Variants in TAP1 observed in about 807,000 individuals in gnomAD.
TAP1 encodes antigen peptide transporter 1.
A neutral mutation model predicts 79.3 loss-of-function variants in TAP1; 56 were observed. The ratio of observed to expected loss-of-function variants is 0.71; its 90% CI spans 0.57 to 0.88. The LOEUF (loss-of-function observed/expected upper bound fraction) is 0.88, where lower values mean the gene tolerates loss of function less well. Among genes scored for constraint, TAP1 ranks in the 40% least tolerant of loss-of-function variants. The probability of loss-of-function intolerance (pLI) is 0.00; values close to 1 mark genes in which losing one functional copy is unlikely to be tolerated. For synonymous variants in TAP1, 355 were observed against 401.4 expected, an observed-to-expected ratio of 0.88 and a Z score of 1.38; for missense variants, 737 against 936.3, an observed-to-expected ratio of 0.79 and a Z score of 2.78.
chr6:32,848,917 G>A, intron 6 of TAP1, 73 bp downstream of exon 6: 2 of 1,612,618 alleles, frequency 1.2e-6, no homozygotes, highest in South Asian at 1.1e-5. Flanking sequence ...GTAAAGAATG[G>A]AAGGACATCA....
Position 32,847,739 on chromosome 6 carries a change from C to A in TAP1, c.1741-64G>T. The A allele has an allele frequency of 6.3e-7, 1 of 1,595,596 alleles. No homozygotes were observed. The highest frequency in any genetic ancestry group is 8.6e-7 in the Non-Finnish European group (1 of 1,165,074). On this transcript the variant is annotated intron_variant, in intron 8 of 10. Transcript: ENST00000354258. This position sits in a 1 kb window ranked among gnomAD's most constrained non-coding sequence, Gnocchi z 4.7. ...CATGGGAGTATGGTTATCTAGAGAT[C>A]GAAGACTCAAAATCTTTATTGAGAA...
At position 32,848,768 on chromosome 6, in the gene TAP1, G is replaced by C; in HGVS notation, c.1450C>G (p.Arg484Gly). Residue 484 changes from arginine (R) to glycine (G), a missense_variant, in exon 7 of 11, where the codon CGC (arginine) becomes GGC (glycine). Physicochemically the swap from Arg to Gly is moderately radical, Grantham distance 125. Transcript: ENST00000354258. Reference sequence around the variant, plus strand: ...CCACTGGGTGGGCAGCGAGGGGTGCGGTCCAGGTACTCAAATATTTTCTCT... The same window carrying C: ...CCACTGGGTGGGCAGCGAGGGGTGCCGTCCAGGTACTCAAATATTTTCTCT... ...SSEKIFEYLD[R>G]TPRCPPSGLL... 2 of 1,614,080 alleles carry C rather than the reference G, an allele frequency of 1.2e-6. No individual in the cohort carries two copies. The highest frequency in any genetic ancestry group is 3.3e-5 in the Admixed American group (2 of 60,018).
rs752430584 is a variant in TAP1, at chr6:32,853,178, C to T, written c.459G>A (p.Leu153=). The T allele has an allele frequency of 2.5e-6, 4 of 1,612,622 alleles. No individual in the cohort carries two copies. In the African/African-American group the frequency reaches 4.0e-5, roughly 16 times the overall value. Residue 153 remains leucine, a synonymous_variant, in exon 1 of 11, where the codon CTG becomes CTA. Coordinates refer to ENST00000354258, the MANE Select transcript of TAP1 (RefSeq NM_000593.6). This position sits in a 1 kb window ranked among gnomAD's most constrained non-coding sequence, Gnocchi z 8.3. The part of the protein sequence containing the change: ...SYAAALPAAA[L]WHKLGSLWVP... ...CCCAGAGGCTCCCGAGTTTGTGCCA[C>T]AGGGCTGCTGCGGGCAGTGCCGCTG...
chr6:32,851,022 T>A lies in TAP1; in HGVS notation c.972A>T (p.Ser324=). Residue 324 remains serine (S), a synonymous_variant, in exon 4 of 11, where the codon TCA becomes TCT. Transcript: ENST00000354258. This position sits in a 1 kb window ranked among gnomAD's most constrained non-coding sequence, Gnocchi z 4.8. The part of the protein sequence containing the change: ...LCLLGIMLWG[S]VSLTMVTLIT... ...TCAGGGTGACCATGGTGAGGGACACTGATCCCCAGAGCATGATCCCCAAGA... is the reference window on the plus strand; with the variant it reads ...TCAGGGTGACCATGGTGAGGGACACAGATCCCCAGAGCATGATCCCCAAGA... The A allele has an allele frequency of 6.2e-7, 1 of 1,612,948 alleles. No homozygotes were observed. Among genetic ancestry groups the A allele is most frequent in the African/African-American group, 1.3e-5 (1 of 74,998 alleles).
At chr6:32,848,131 G>C (rs1770560105) in intron 7 of TAP1, 39 bp from the exon 8 acceptor site, 1 of 1,561,584 alleles carries the variant, frequency 6.4e-7, no homozygotes, top group Non-Finnish European at 8.7e-7. Context: ...GGCTACCAAG[G>C]CCTCTAACCT....
chr6:32,848,156 C>T (rs1159713190), intron 7 of TAP1, 64 bp from the exon 8 acceptor site: 10 of 1,538,980 alleles, frequency 6.5e-6, no homozygotes, highest in African/African-American at 2.7e-5. Context: ...AGTGTCATTG[C>T]CTTGTTACAT....
chr6:32,846,963 G>A (rs1285211202), intron 10 of TAP1, 105 bp downstream of exon 10: 8 of 1,559,730 alleles, frequency 5.1e-6, no homozygotes, highest in Non-Finnish European at 6.1e-6. Context: ...ACTGAGAACT[G>A]CAAGGACTGG....
In TAP1 at chr6:32,850,841, A is replaced by G; in HGVS notation, c.1050+103T>C. The stretch of plus-strand genomic sequence containing the variant: ...GTTCCATGAAGATGGAGAATCAGTA[A>G]GGGTGCCAGGAAAGCTGGACTGAAA... On this transcript the variant is annotated intron_variant, in intron 4 of 10. Transcript: ENST00000354258. The surrounding 1 kb of genome is among the most constrained non-coding windows in gnomAD (Gnocchi z 5.5). The G allele has an allele frequency of 9.1e-7, 1 of 1,101,804 alleles. No homozygotes were observed. The highest frequency in any genetic ancestry group is 1.4e-6 in the Non-Finnish European group (1 of 717,064). 68.3% of individuals were successfully genotyped at this position (1,101,804 alleles called of 1,614,324 possible). A position where few individuals can be genotyped will look rare whatever the true frequency, so the allele number is the denominator to read the frequency against.
Position 32,853,588 on chromosome 6 carries a change from C to G in TAP1, c.49G>C (p.Gly17Arg), listed in dbSNP as rs57640466. 5,008 of 1,612,552 alleles carry G rather than the reference C, an allele frequency of 3.1e-3. 87 individuals are homozygous for G. The highest frequency in any genetic ancestry group is 0.028 in the African/African-American group (2,096 of 75,042). ...GTCCCCAGCCATGCGAGAGAAGCTCCGGGGAGGCAGCGGCACCCGCGGGGA... is the reference window on the plus strand; with the variant it reads ...GTCCCCAGCCATGCGAGAGAAGCTCGGGGGAGGCAGCGGCACCCGCGGGGA... ...PAPRGCRCLP[G>R]ASLAWLGTVL... Residue 17 changes from glycine to arginine, a missense_variant, in exon 1 of 11, where the codon GGA becomes CGA. Gly to Arg is a moderately radical substitution (Grantham distance 125, BLOSUM62 -2). This residue lies in a region of TAP1 where 45 missense variants were observed against 60.2 expected (regional missense o/e 0.75). Transcript: ENST00000354258. The surrounding 1 kb of genome is among the most constrained non-coding windows in gnomAD (Gnocchi z 8.3).
In TAP1 at chr6:32,851,924, T is replaced by TGAGA. The variant is rs35429362; in HGVS notation, c.844+181_844+184dup. 3.1e-4 allele frequency among the ~76,000 whole-genome samples: 45 copies of TGAGA among 147,430 alleles called. No homozygotes were observed. Among genetic ancestry groups the TGAGA allele is most frequent in the South Asian group, 4.4e-4 (2 of 4,552 alleles). On this transcript the variant is annotated intron_variant, in intron 3 of 10. Transcript: ENST00000354258. This position sits in a 1 kb window ranked among gnomAD's most constrained non-coding sequence, Gnocchi z 4.8. ...AAAAACAATTGTGTGTGTGTGTGTG[T>TGAGA]GAGAGAGAGAGAGAGAGAGACAGAG...
At chr6:32,849,161 T>C in intron 5 of TAP1, 43 bp from the exon 6 acceptor site, 2 of 1,557,504 alleles carry the variant, frequency 1.3e-6, no homozygotes, top group Non-Finnish European at 8.7e-7. Flanking sequence ...TAGAGAAATC[T>C]GGAGGGGACA....
chr6:32,847,536 C>T lies in TAP1; in HGVS notation c.1880G>A (p.Gly627Glu), dbSNP rs762206044. 1.9e-6 allele frequency: 3 copies of T among 1,613,754 alleles called. No individual in the cohort carries two copies. In the South Asian group the frequency reaches 3.3e-5, roughly 18 times the overall value. Residue 627 changes from glycine to glutamate, a missense_variant, in exon 9 of 11, where the codon GGA (glycine) becomes GAA (glutamate). Coordinates refer to ENST00000354258, the MANE Select transcript of TAP1 (RefSeq NM_000593.6). This position sits in a 1 kb window ranked among gnomAD's most constrained non-coding sequence, Gnocchi z 4.7. Reference sequence around the variant, plus strand: ...ACCTGTGTCATAGCCCTGAGGGAGTCCAGAGATGAAACTATGGGCCCCAGA... The same window carrying T: ...ACCTGTGTCATAGCCCTGAGGGAGTTCAGAGATGAAACTATGGGCCCCAGA... The part of the protein sequence containing the change: ...VKSGAHSFIS[G>E]LPQGYDTEVD...
chr6:32,847,271 G>C lies in TAP1; in HGVS notation c.1904-67C>G. 1 of 1,497,776 alleles carries C rather than the reference G, an allele frequency of 6.7e-7. No individual in the cohort carries two copies. The highest frequency in any genetic ancestry group is 1.1e-5 in the South Asian group (1 of 87,152). The allele number at this position is 1,497,776 out of a possible 1,614,324, so 92.8% of individuals were successfully genotyped here. A position where few individuals can be genotyped will look rare whatever the true frequency, so the allele number is the denominator to read the frequency against. On this transcript the variant is annotated intron_variant, in intron 9 of 10. Coordinates refer to ENST00000354258, the MANE Select transcript of TAP1 (RefSeq NM_000593.6). The surrounding 1 kb of genome is among the most constrained non-coding windows in gnomAD (Gnocchi z 4.7). Reference sequence around the variant, plus strand: ...GTGTGCACGCATGTACATGCACACAGACACACTCATGCATTCACGCACTCA... The same window carrying C: ...GTGTGCACGCATGTACATGCACACACACACACTCATGCATTCACGCACTCA...
At position 32,851,060 on chromosome 6, in the gene TAP1, G is replaced by A. The variant is rs1336232266; in HGVS notation, c.934C>T (p.Arg312Ter). Residue 312 changes from arginine (R) to a stop codon, truncating the protein, a stop_gained, in exon 4 of 11, where the codon CGA (arginine) becomes TGA (stop). Coordinates refer to ENST00000354258, the MANE Select transcript of TAP1 (RefSeq NM_000593.6). LOFTEE classifies it high-confidence loss of function. This position sits in a 1 kb window ranked among gnomAD's most constrained non-coding sequence, Gnocchi z 4.8. ...NLSLFLWYLVRGLCLLGIMLW... is the reference protein window; with the variant it reads ...NLSLFLWYLV ...ATGATCCCCAAGAGACATAGGCCTC[G>A]CACCAGGTACCACAGAAATAAGCTC... is the stretch of plus-strand genomic sequence containing the variant. 8.1e-6 allele frequency: 13 copies of A among 1,612,986 alleles called. No individual in the cohort carries two copies. The highest frequency in any genetic ancestry group is 1.1e-5 in the Non-Finnish European group (13 of 1,180,020).
At position 32,845,820 on chromosome 6, in the gene TAP1, C is replaced by T; in HGVS notation, c.2041-35G>A. 6.3e-7 allele frequency: 1 copy of T among 1,580,812 alleles called. No individual in the cohort carries two copies. Among genetic ancestry groups the T allele is most frequent in the Non-Finnish European group, 8.6e-7 (1 of 1,160,198 alleles). On this transcript the variant is annotated intron_variant, in intron 10 of 10. Transcript: ENST00000354258. The surrounding 1 kb of genome is among the most constrained non-coding windows in gnomAD (Gnocchi z 4.5). ...GACATCGGACCGTCAGAGCCGGGGACTACCCTCAGCCCAGGGAGACACCTG... is the reference window on the plus strand; with the variant it reads ...GACATCGGACCGTCAGAGCCGGGGATTACCCTCAGCCCAGGGAGACACCTG...
rs35429362 is a variant in TAP1, at chr6:32,851,924, TGAGA to T, written c.844+181_844+184del. Among the ~76,000 whole-genome samples the T allele has an allele frequency of 0.025, 3,707 of 147,406 alleles. 168 individuals are homozygous for T. The highest frequency in any genetic ancestry group is 0.083 in the African/African-American group (3,309 of 39,854). ...AAAAACAATTGTGTGTGTGTGTGTG[TGAGA>T]GAGAGAGAGAGAGAGACAGAGACAG... On this transcript the variant is annotated intron_variant, in intron 3 of 10. Transcript: ENST00000354258. The surrounding 1 kb of genome is among the most constrained non-coding windows in gnomAD (Gnocchi z 4.8).
At position 32,851,287 on chromosome 6, in the gene TAP1, T is replaced by C; in HGVS notation, c.845-138A>G. 1.2e-6 allele frequency: 1 copy of C among 804,256 alleles called. No individual in the cohort carries two copies. The highest frequency in any genetic ancestry group is 2.1e-6 in the Non-Finnish European group (1 of 477,574). The allele number at this position is 804,256 out of a possible 1,614,324, so 49.8% of individuals were successfully genotyped here. On this transcript the variant is annotated intron_variant, in intron 3 of 10. Transcript: ENST00000354258. This position sits in a 1 kb window ranked among gnomAD's most constrained non-coding sequence, Gnocchi z 4.8. ...GAGGCTGCAGGAAACAAGGTTAGGGTTCTCCAGAGGTCTGCAAATCTCAGT... is the reference window on the plus strand; with the variant it reads ...GAGGCTGCAGGAAACAAGGTTAGGGCTCTCCAGAGGTCTGCAAATCTCAGT...
At position 32,848,744 on chromosome 6, in the gene TAP1, C is replaced by T; in HGVS notation, c.1474G>A (p.Gly492Ser). The T allele has an allele frequency of 6.2e-7, 1 of 1,614,084 alleles. No homozygotes were observed. The highest frequency in any genetic ancestry group is 8.5e-7 in the Non-Finnish European group (1 of 1,180,028). Residue 492 changes from glycine to serine, a missense_variant, in exon 7 of 11, where the codon GGT becomes AGT. Physicochemically the swap from Gly to Ser is moderately conservative, Grantham distance 56. Around this residue, in one of 5 missense-constraint regions of TAP1, gnomAD observed 266 missense variants for 332.4 expected, o/e 0.80. Coordinates refer to ENST00000354258, the MANE Select transcript of TAP1 (RefSeq NM_000593.6). ...LDRTPRCPPS[G>S]LLTPLHLEGL... ...TCCAAGTGTAAGGGAGTCAACAGACCACTGGGTGGGCAGCGAGGGGTGCGG... is the reference window on the plus strand; with the variant it reads ...TCCAAGTGTAAGGGAGTCAACAGACTACTGGGTGGGCAGCGAGGGGTGCGG...
chr6:32,849,082 T>G lies in TAP1; in HGVS notation c.1285A>C (p.Ile429Leu). Residue 429 changes from isoleucine to leucine, a missense_variant, in exon 6 of 11, where the codon ATT becomes CTT. Physicochemically the swap from Ile to Leu is conservative, Grantham distance 5. Transcript: ENST00000354258. The stretch of plus-strand genomic sequence containing the variant: ...CCACTGGTCACCAGCTGCCCACCAA[T>G]GTAGAGGATTCCCACTTTCAGCAGC... ...GMLLKVGILY[I>L]GGQLVTSGAV... is the part of the protein sequence containing the mutation. 1.3e-6 allele frequency: 2 copies of G among 1,593,722 alleles called. No homozygotes were observed. The highest frequency in any genetic ancestry group is 1.1e-5 in the South Asian group (1 of 88,070).
Sources: allele counts gnomAD v4.1 joint callset (sites outside exome capture counted in the v4.1 genomes callset), GRCh38; gene constraint gnomAD v4.1.1; regional missense constraint gnomAD v4.1.1; non-coding constraint Gnocchi (gnomAD v3.1); transcripts MANE v1.5; gene names NCBI Gene and HGNC (gene_info 2026-07-23, HGNC 2026-07-21).